PDE1C: variants seen among roughly 807,000 people sequenced by gnomAD.
PDE1C encodes dual specificity calcium/calmodulin-dependent 3',5'-cyclic nucleotide phosphodiesterase 1C.
PDE1C carries 62 observed loss-of-function variants against 93.1 expected under a neutral mutation model. The observed-to-expected ratio is 0.67, with a 90% CI of 0.54 to 0.82. The LOEUF (loss-of-function observed/expected upper bound fraction) is 0.82. PDE1C is among the 40% of genes least tolerant of loss of function. The probability of loss-of-function intolerance (pLI) is 0.00; values close to 1 mark genes in which losing one functional copy is unlikely to be tolerated. For synonymous variants in PDE1C, 325 were observed against 310.1 expected, an observed-to-expected ratio of 1.05 and a Z score of -0.50; for missense variants, 742 against 884.6, an observed-to-expected ratio of 0.84 and a Z score of 2.04.
intron 1 of PDE1C, among the ~76,000 whole-genome samples, chr7:32,322,551 C>T (rs969514536): frequency 3.3e-5 from 5 of 152,156 alleles, no homozygotes; most frequent in Admixed American, 2.0e-4. Flanking sequence ...ATGCAGTAAG[C>T]TATGATCACA....
chr7:32,112,513 G>A (rs917583634), intron 3 of PDE1C, among the ~76,000 whole-genome samples: 9 of 151,988 alleles, frequency 5.9e-5, no homozygotes, highest in Non-Finnish European at 1.2e-4. Context: ...AGCCCAGGCT[G>A]GAATGCAGTA....
At chr7:31,683,991 C>G in the PDE1C span, among the ~76,000 whole-genome samples, 4 of 152,188 alleles carry the variant, frequency 2.6e-5, no homozygotes, top group African/African-American at 9.7e-5. Context: ...ACAACGGCTC[C>G]TTGCACTTAT....
chr7:32,298,065 C>CTCTCTCT (rs1562660556), intron 1 of PDE1C, among the ~76,000 whole-genome samples: 303 of 21,168 alleles, frequency 0.014, 110 homozygotes, highest in Non-Finnish European at 0.019. Flanking sequence ...TCTCTCTCTC[C>CTCTCTCT]CCTCTCTCTC....
rs76412579 is a variant in PDE1C, at chr7:31,909,789, G to T, written c.129-28929C>A. 6.2e-3 allele frequency among the ~76,000 whole-genome samples: 943 copies of T among 152,158 alleles called. 11 individuals carry two copies. Among genetic ancestry groups the T allele is most frequent in the African/African-American group, 0.022 (896 of 41,510 alleles). ...ACAAAGGCTAAGTACCTTTCCCAAG[G>T]TCACAAAATTAGTAAATGGCAAGTC... On this transcript the variant is annotated intron_variant, in intron 2 of 17. Transcript: ENST00000396191.
At chr7:32,060,072 A>G (rs1397267854) in intron 1 of PDE1C, among the ~76,000 whole-genome samples, 1 of 152,228 alleles carries the variant, frequency 6.6e-6, no homozygotes, top group Non-Finnish European at 1.5e-5. Flanking sequence ...ATATAAATCC[A>G]AAGGATTAAG....
chr7:32,401,053 A>G (rs1467620085), intron 1 of PDE1C, among the ~76,000 whole-genome samples: 2 of 152,252 alleles, frequency 1.3e-5, no homozygotes, highest in Non-Finnish European at 2.9e-5. Flanking sequence ...GTTAAAGGTC[A>G]TGGTCATAAC....
intron 1 of PDE1C, among the ~76,000 whole-genome samples, chr7:32,295,763 G>A (rs927022925): frequency 5.3e-5 from 8 of 151,964 alleles, no homozygotes; most frequent in Non-Finnish European, 8.8e-5. Context: ...GCGTGTTGGC[G>A]GGCGCCTGTA....
intron 1 of PDE1C, among the ~76,000 whole-genome samples, chr7:32,248,942 G>A (rs1809162393): frequency 6.6e-6 from 1 of 152,138 alleles, no homozygotes; most frequent in Non-Finnish European, 1.5e-5. Flanking sequence ...TGGCAAGGAA[G>A]AGAAGTGTCC....
intron 1 of PDE1C, among the ~76,000 whole-genome samples, chr7:32,310,798 C>A (rs1372400589): frequency 6.6e-6 from 1 of 151,792 alleles, no homozygotes; most frequent in Non-Finnish European, 1.5e-5. Context: ...CAAGAGAAAG[C>A]AGGAAAGATC....
the PDE1C span, chr7:31,652,083 T>C: frequency 0.78 from 1,125,391 of 1,446,540 alleles, 438,665 homozygotes; most frequent in East Asian, 0.85. Flanking sequence ...TTTGACTATA[T>C]CCAGCCTACC....
intron 2 of PDE1C, among the ~76,000 whole-genome samples, chr7:32,047,753 A>G (rs995530133): frequency 1.3e-5 from 2 of 152,168 alleles, no homozygotes; most frequent in African/African-American, 2.4e-5. Context: ...AAACAAATAC[A>G]TAAGTGAAAT....
At chr7:32,029,811 C>G (rs1180831424) in intron 2 of PDE1C, among the ~76,000 whole-genome samples, 1 of 152,020 alleles carries the variant, frequency 6.6e-6, no homozygotes, top group Non-Finnish European at 1.5e-5. Context: ...AGATAGAAAG[C>G]AGAGTTTAGC....
the PDE1C span, among the ~76,000 whole-genome samples, chr7:31,623,443 G>C: frequency 3.6e-3 from 540 of 149,966 alleles, no homozygotes; most frequent in Middle Eastern, 6.8e-3. Context: ...TGCAAGGCTG[G>C]TTCAATATAC....
At chr7:32,357,885 G>T (rs1228610911) in intron 1 of PDE1C, among the ~76,000 whole-genome samples, 1 of 152,168 alleles carries the variant, frequency 6.6e-6, no homozygotes, top group African/African-American at 2.4e-5. Flanking sequence ...TTAGGCCCAA[G>T]ATCTCAGAAG....
chr7:32,233,990 AT>A (rs1807897874), intron 1 of PDE1C, among the ~76,000 whole-genome samples: 1 of 152,108 alleles, frequency 6.6e-6, no homozygotes, highest in African/African-American at 2.4e-5. Flanking sequence ...AGTCACTAAT[AT>A]AAAGATAACA....
At chr7:32,016,032 A>C (rs1787858935) in intron 2 of PDE1C, among the ~76,000 whole-genome samples, 1 of 152,194 alleles carries the variant, frequency 6.6e-6, no homozygotes, top group South Asian at 2.1e-4. Flanking sequence ...TTGTTATGGC[A>C]ACACCCAGAA....
chr7:31,907,025 C>G (rs1399101493), intron 2 of PDE1C, among the ~76,000 whole-genome samples: 3 of 150,964 alleles, frequency 2.0e-5, no homozygotes, highest in Admixed American at 2.0e-4. Flanking sequence ...AACTGAAGAG[C>G]AAGAATAGGA....
chr7:31,932,938 C>G (rs1329168944), intron 2 of PDE1C, among the ~76,000 whole-genome samples: 1 of 151,984 alleles, frequency 6.6e-6, no homozygotes, highest in Non-Finnish European at 1.5e-5. Flanking sequence ...AACTGGAAAC[C>G]ATCTTTCTCA....
chr7:31,789,221 T>C (rs1301673975), intron 16 of PDE1C: 3 of 152,148 alleles, frequency 2.0e-5, no homozygotes, highest in Non-Finnish European at 4.4e-5. Context: ...CCACCTGTAA[T>C]TTGGTCTCAA....
Sources: allele counts gnomAD v4.1 joint callset (sites outside exome capture counted in the v4.1 genomes callset), GRCh38; gene constraint gnomAD v4.1.1; transcripts MANE v1.5; gene names NCBI Gene and HGNC (gene_info 2026-07-23, HGNC 2026-07-21).